The following PTH2R variants were observed in gnomAD, a reference collection of about 807,000 sequenced individuals.
PTH2R encodes the protein PTH2 receptor.
A neutral mutation model predicts 60.3 loss-of-function variants in PTH2R; 59 were observed. The ratio of observed to expected loss-of-function variants is 0.98; its 90% CI spans 0.79 to 1.22. The LOEUF (loss-of-function observed/expected upper bound fraction) is 1.22. Ranked by LOEUF, PTH2R falls within the 50% of genes most tolerant of loss-of-function variation. PTH2R has a pLI of 0.00. For missense variants in PTH2R, 749 were observed against 682.6 expected (o/e 1.10, Z -1.08); for synonymous variants, 256 against 243.8 (o/e 1.05, Z -0.47).
chr2:208,387,609 ACT>A (rs1414399944), intron 1 of PTH2R, among the ~76,000 whole-genome samples: 3 of 152,138 alleles, frequency 2.0e-5, no homozygotes, highest in African/African-American at 4.8e-5. Flanking sequence ...TAAAAATGTG[ACT>A]CTGTTTTTTC....
At chr2:208,493,195 C>T in intron 12 of PTH2R, 69 bp from the exon 13 acceptor site, 1 of 1,374,948 alleles carries the variant, frequency 7.3e-7, no homozygotes, top group Non-Finnish European at 9.5e-7. Flanking sequence ...TCAAGGCAAA[C>T]ATCTTTGTAA....
At chr2:208,439,930 C>A (rs1702149209) in intron 4 of PTH2R, among the ~76,000 whole-genome samples, 1 of 152,010 alleles carries the variant, frequency 6.6e-6, no homozygotes, top group African/African-American at 2.4e-5. Flanking sequence ...GTTCATTGAA[C>A]AAATAATTAT....
At chr2:208,481,380 T>G in intron 10 of PTH2R, among the ~76,000 whole-genome samples, 1 of 152,026 alleles carries the variant, frequency 6.6e-6, no homozygotes, top group East Asian at 1.9e-4. Flanking sequence ...CCAGTTAATT[T>G]TTGTATTTTT....
intron 1 of PTH2R, among the ~76,000 whole-genome samples, chr2:208,417,013 T>C (rs747686724): frequency 1.3e-5 from 2 of 152,156 alleles, no homozygotes; most frequent in African/African-American, 2.4e-5. Context: ...GATCCTTGAC[T>C]AATGCAATGT....
intron 1 of PTH2R, among the ~76,000 whole-genome samples, chr2:208,392,629 TAGTA>T (rs1701126811): frequency 6.6e-6 from 1 of 152,100 alleles, no homozygotes; most frequent in Non-Finnish European, 1.5e-5. Context: ...CATATGTAAA[TAGTA>T]AGCCCCCAAC....
intron 1 of PTH2R, among the ~76,000 whole-genome samples, chr2:208,388,337 A>C (rs1403920246): frequency 6.6e-6 from 1 of 152,092 alleles, no homozygotes; most frequent in East Asian, 1.9e-4. Flanking sequence ...ACAAACAAAA[A>C]AAAACTTCAC....
chr2:208,450,812 G>A lies in PTH2R; in HGVS notation c.914+3G>A. On this transcript the variant is annotated splice_donor_region_variant and intron_variant, in intron 8 of 12. Coordinates refer to ENST00000272847, the MANE Select transcript of PTH2R (RefSeq NM_005048.4). ...CGAGCAACTCTGGCTGATGCGAGGT[G>A]AGTGAAAAGGCAGGGGAAACGAGAG... is the stretch of plus-strand genomic sequence containing the variant. 6.2e-7 allele frequency: 1 copy of A among 1,613,784 alleles called. No homozygotes were observed. Among genetic ancestry groups the A allele is most frequent in the South Asian group, 1.1e-5 (1 of 91,070 alleles).
intron 9 of PTH2R, among the ~76,000 whole-genome samples, chr2:208,472,595 T>G (rs1402169218): frequency 6.6e-6 from 1 of 152,186 alleles, no homozygotes; most frequent in Non-Finnish European, 1.5e-5. Context: ...AGATGTGCCT[T>G]TTACCTTCTG....
chr2:208,377,601 C>G (rs1019539505), intron 1 of PTH2R, among the ~76,000 whole-genome samples: 2 of 150,228 alleles, frequency 1.3e-5, no homozygotes, highest in Admixed American at 6.6e-5. Context: ...GCTGACCCCC[C>G]ACCTGCCTCC....
rs1318499610 is a variant in PTH2R, at chr2:208,481,121, T to C, written c.1033T>C (p.Trp345Arg). 1 of 1,612,464 alleles carries C rather than the reference T, an allele frequency of 6.2e-7. No individual in the cohort carries two copies. Among genetic ancestry groups the C allele is most frequent in the South Asian group, 1.1e-5 (1 of 90,920 alleles). The change falls in exon 10 of 13, where the codon TGG (tryptophan) becomes CGG (arginine). Residue 345 changes from tryptophan to arginine, a missense_variant. By Grantham distance (101) the Trp-to-Arg change is moderately radical. Transcript: ENST00000272847. ...NTVRVLATKI[W>R]ETNAVGHDTR... ...GGTTAGAGTTCTAGCTACCAAAATC[T>C]GGGAGACCAATGCAGTTGGGCATGA...
At chr2:208,400,089 A>G (rs34279443) in intron 1 of PTH2R, among the ~76,000 whole-genome samples, 5,038 of 152,244 alleles carry the variant, frequency 0.033, 84 homozygotes, top group Middle Eastern at 0.058. Context: ...ACTCTTCTTA[A>G]AACCCAAGTT....
chr2:208,463,842 G>A (rs1702681777), intron 9 of PTH2R, among the ~76,000 whole-genome samples: 1 of 152,212 alleles, frequency 6.6e-6, no homozygotes, highest in African/African-American at 2.4e-5. Flanking sequence ...GGATGATCTG[G>A]CTTCCCAGAC....
chr2:208,384,783 T>C (rs887215993), intron 1 of PTH2R, among the ~76,000 whole-genome samples: 4 of 152,206 alleles, frequency 2.6e-5, no homozygotes, highest in Non-Finnish European at 4.4e-5. Context: ...ACATCTGTGG[T>C]CATCTAGGGA....
At chr2:208,370,553 G>A (rs6745659) in intron 1 of PTH2R, among the ~76,000 whole-genome samples, 57,176 of 151,150 alleles carry the variant, frequency 0.38, 11,409 homozygotes, top group East Asian at 0.53. Flanking sequence ...CCCACGACTG[G>A]GAGACTGGTT....
At chr2:208,366,836 G>A (rs1309713877) in intron 1 of PTH2R, among the ~76,000 whole-genome samples, 1 of 152,162 alleles carries the variant, frequency 6.6e-6, no homozygotes, top group African/African-American at 2.4e-5. Context: ...TAACCAGACC[G>A]TAGCTTACAC....
At chr2:208,390,990 G>A (rs921901258) in intron 1 of PTH2R, among the ~76,000 whole-genome samples, 2 of 152,092 alleles carry the variant, frequency 1.3e-5, no homozygotes, top group African/African-American at 4.8e-5. Flanking sequence ...GCTTTGACTC[G>A]AGTGTGATGT....
intron 1 of PTH2R, among the ~76,000 whole-genome samples, chr2:208,365,826 A>G (rs1574807155): frequency 7.0e-6 from 1 of 142,020 alleles, no homozygotes; most frequent in Non-Finnish European, 1.5e-5. Flanking sequence ...GCAGCCTCTA[A>G]CTCCTGGGCT....
intron 2 of PTH2R, among the ~76,000 whole-genome samples, chr2:208,433,108 A>G: frequency 6.6e-6 from 1 of 152,250 alleles, no homozygotes; most frequent in African/African-American, 2.4e-5. Context: ...CACCAGTCAC[A>G]CACCATATGA....
chr2:208,408,722 A>AAG (rs760355788), intron 1 of PTH2R, among the ~76,000 whole-genome samples: 2 of 121,390 alleles, frequency 1.6e-5, no homozygotes, highest in East Asian at 4.5e-4. Flanking sequence ...GAAGAAAGGA[A>AAG]AGAGAGAGAG....
Sources: gnomAD v4.1 joint callset for allele counts (sites outside exome capture counted in the v4.1 genomes callset) on GRCh38, gnomAD v4.1.1 for gene constraint, MANE v1.5 for transcripts, NCBI Gene and HGNC (gene_info 2026-07-23, HGNC 2026-07-21) for gene names.